CABCOCO1: variants seen among roughly 807,000 people sequenced by gnomAD.
CABCOCO1 encodes the protein ciliary-associated calcium-binding coiled-coil protein 1.
CABCOCO1 carries 28 observed loss-of-function variants against 35.7 expected under a neutral mutation model. That is an observed-to-expected ratio of 0.78 (90% CI 0.58 to 1.07). The LOEUF is 1.07. Among genes scored for constraint, CABCOCO1 ranks in the 50% least tolerant of loss-of-function variants. The pLI, the probability that CABCOCO1 is intolerant of heterozygous loss-of-function variation, is 0.00. For synonymous variants in CABCOCO1, 95 were observed against 100.1 expected, an observed-to-expected ratio of 0.95 and a Z score of 0.30; for missense variants, 326 against 309.2, an observed-to-expected ratio of 1.05 and a Z score of -0.41.
At chr10:61,734,517 G>GA (rs35877643) in intron 5 of CABCOCO1, among the ~76,000 whole-genome samples, 130 of 148,924 alleles carry the variant, frequency 8.7e-4, no homozygotes, top group Middle Eastern at 6.8e-3. Context: ...TAGGAAGGGG[G>GA]AAAAAAAAAA....
chr10:61,700,199 A>G (rs1255716408), intron 5 of CABCOCO1, among the ~76,000 whole-genome samples: 1 of 152,102 alleles, frequency 6.6e-6, no homozygotes, highest in Non-Finnish European at 1.5e-5. Context: ...AGAGGCCACT[A>G]ATATTATTGA....
intron 2 of CABCOCO1, among the ~76,000 whole-genome samples, chr10:61,680,405 T>C (rs1303510205): frequency 1.5e-5 from 2 of 134,474 alleles, no homozygotes; most frequent in East Asian, 2.0e-4. Context: ...TTTTTATATA[T>C]AACATATATA....
At chr10:61,711,928 T>A (rs558209812) in intron 5 of CABCOCO1, among the ~76,000 whole-genome samples, 1 of 151,866 alleles carries the variant, frequency 6.6e-6, no homozygotes, top group South Asian at 2.1e-4. Context: ...ATACCAAAAT[T>A]TGTGCTATTG....
At chr10:61,755,027 A>AAGG (rs894826288) in intron 5 of CABCOCO1, among the ~76,000 whole-genome samples, 1 of 152,168 alleles carries the variant, frequency 6.6e-6, no homozygotes, top group South Asian at 2.1e-4. Context: ...CAAAAATGCA[A>AAGG]AGGAGGAGGA....
rs560425138 is a variant in CABCOCO1, at chr10:61,728,715, CAGA to C, written c.553-31341_553-31339del. On this transcript the variant is annotated intron_variant, in intron 5 of 7. Coordinates refer to ENST00000648843, the MANE Select transcript of CABCOCO1 (RefSeq NM_001366906.2). ...CAAGCTAAGCTTCTGCCAGCACAAC[CAGA>C]AGGAGACTAGCGAGATGGAGCTTAT... 1.4e-4 allele frequency among the ~76,000 whole-genome samples: 21 copies of C among 152,212 alleles called. No homozygotes were observed. In the South Asian group the frequency reaches 3.7e-3, roughly 27 times the overall value.
chr10:61,730,357 G>T (rs1828274645), intron 5 of CABCOCO1, among the ~76,000 whole-genome samples: 1 of 151,952 alleles, frequency 6.6e-6, no homozygotes, highest in Non-Finnish European at 1.5e-5. Context: ...AGTAAATTAT[G>T]ATAGGAACAA....
chr10:61,681,040 A>G, intron 2 of CABCOCO1, 103 bp from the exon 3 acceptor site: 1 of 612,222 alleles, frequency 1.6e-6, no homozygotes, highest in Non-Finnish European at 2.4e-6. Flanking sequence ...GAATATTTTC[A>G]GATTATGGGC....
intron 4 of CABCOCO1, 68 bp from the exon 5 acceptor site, chr10:61,690,481 G>T: frequency 9.5e-7 from 1 of 1,055,686 alleles, no homozygotes. Context: ...TTTAATAAAT[G>T]TCTTTACATA....
intron 4 of CABCOCO1, among the ~76,000 whole-genome samples, chr10:61,687,695 T>C (rs564713124): frequency 3.3e-5 from 5 of 152,226 alleles, no homozygotes; most frequent in Non-Finnish European, 7.3e-5. Context: ...GGGCTGTCCA[T>C]GTTAGTCACC....
At chr10:61,747,280 T>C (rs1841683723) in intron 5 of CABCOCO1, among the ~76,000 whole-genome samples, 1 of 152,188 alleles carries the variant, frequency 6.6e-6, no homozygotes, top group Non-Finnish European at 1.5e-5. Context: ...CCCAGTCATT[T>C]CATAGCATTT....
At chr10:61,765,855 A>G in intron 7 of CABCOCO1, 84 bp from the exon 8 acceptor site, 1 of 1,253,592 alleles carries the variant, frequency 8.0e-7, no homozygotes, top group Non-Finnish European at 1.1e-6. Flanking sequence ...GTCTTTAGGC[A>G]CTATAGTATG....
intron 5 of CABCOCO1, chr10:61,701,615 C>A (rs1026404173): frequency 2.0e-6 from 2 of 982,876 alleles, no homozygotes; most frequent in South Asian, 4.7e-5. Context: ...TGTTTCCATT[C>A]TCTGATTACA....
At chr10:61,701,672 C>A (rs1160810468) in intron 5 of CABCOCO1, 2 of 985,162 alleles carry the variant, frequency 2.0e-6, no homozygotes, top group Non-Finnish European at 2.4e-6. Flanking sequence ...TTAAAGTGTT[C>A]TTTTCAGTCT....
intron 5 of CABCOCO1, among the ~76,000 whole-genome samples, chr10:61,739,098 G>A (rs1371342918): frequency 6.6e-6 from 1 of 151,942 alleles, no homozygotes; most frequent in South Asian, 2.1e-4. Context: ...TACATTCTAC[G>A]GAAAACGATT....
rs568555884 is a variant in CABCOCO1, at chr10:61,680,201, A to G, written c.165-942A>G. Among the ~76,000 whole-genome samples the G allele has an allele frequency of 1.1e-3, 166 of 150,562 alleles. 1 individual carries two copies. Among genetic ancestry groups the G allele is most frequent in the African/African-American group, 3.8e-3 (157 of 41,002 alleles). Reference sequence around the variant, plus strand: ...GTGGCGGGTACCTGTAATTCCAGTTACTCTGGAGGCTGAGGAAGAAGAATC... The same window carrying G: ...GTGGCGGGTACCTGTAATTCCAGTTGCTCTGGAGGCTGAGGAAGAAGAATC... On this transcript the variant is annotated intron_variant, in intron 2 of 7. Transcript: ENST00000648843.
At chr10:61,739,293 T>G (rs1841493056) in intron 5 of CABCOCO1, among the ~76,000 whole-genome samples, 1 of 152,210 alleles carries the variant, frequency 6.6e-6, no homozygotes, top group Admixed American at 6.5e-5. Flanking sequence ...TTTAGAAATA[T>G]TCTATAATTC....
intron 5 of CABCOCO1, among the ~76,000 whole-genome samples, chr10:61,747,404 T>C (rs1399077117): frequency 1.3e-5 from 2 of 152,184 alleles, no homozygotes; most frequent in African/African-American, 4.8e-5. Context: ...CTTCAAAACA[T>C]ACCTTGCATA....
chr10:61,680,028 T>G (rs1159021862), intron 2 of CABCOCO1, among the ~76,000 whole-genome samples: 1 of 151,924 alleles, frequency 6.6e-6, no homozygotes, highest in African/African-American at 2.4e-5. Context: ...TATAGCAGAA[T>G]GAACTGGGTG....
At position 61,760,968 on chromosome 10, in the gene CABCOCO1, G is replaced by T; in HGVS notation, c.781G>T (p.Asp261Tyr). The change falls in exon 7 of 8, where the codon GAT (aspartate) becomes TAT (tyrosine). Residue 261 changes from aspartate (D) to tyrosine (Y), a missense_variant. By Grantham distance (160) the Asp-to-Tyr change is radical. Transcript: ENST00000648843. ...CATTGAAGATGTAAAATCAGTGCTG[G>T]ATCAAGTCACAGATGACATTTTAAT... ...FTIEDVKSVL[D>Y]QVTDDILIGI... 1 of 1,612,514 alleles carries T rather than the reference G, an allele frequency of 6.2e-7. No individual in the cohort carries two copies. Among genetic ancestry groups the T allele is most frequent in the Non-Finnish European group, 8.5e-7 (1 of 1,179,076 alleles).
Sources: allele counts gnomAD v4.1 joint callset (sites outside exome capture counted in the v4.1 genomes callset), GRCh38; gene constraint gnomAD v4.1.1; transcripts MANE v1.5; gene names NCBI Gene and HGNC (gene_info 2026-07-23, HGNC 2026-07-21).